MYO5A: variants seen among roughly 807,000 people sequenced by gnomAD.
MYO5A encodes unconventional myosin-Va.
MYO5A carries 98 observed loss-of-function variants against 249.7 expected under a neutral mutation model. The observed-to-expected ratio is 0.39, with a 90% CI of 0.33 to 0.46. The LOEUF is 0.46. MYO5A is among the 20% of genes least tolerant of loss of function. The pLI, the probability that MYO5A is intolerant of heterozygous loss-of-function variation, is 0.98. For missense variants in MYO5A, 1,696 were observed against 2,308.8 expected (o/e 0.73, Z 5.44); for synonymous variants, 778 against 810.6 (o/e 0.96, Z 0.68).
chr15:52,486,133 C>A lies in MYO5A; in HGVS notation c.27+42647G>T, dbSNP rs529144001. ...ACACGTATTTACCAAGTCCCTCTTA[C>A]AAGCGAGGTTCTGCGTTAAGCTGGG... On this transcript the variant is annotated intron_variant, in intron 1 of 41. Coordinates refer to ENST00000399233, the MANE Select transcript of MYO5A (RefSeq NM_001382347.1). Among the ~76,000 whole-genome samples, 5 of 152,292 alleles carry A rather than the reference C, an allele frequency of 3.3e-5. No individual in the cohort carries two copies. In the East Asian group the frequency reaches 9.6e-4, roughly 29 times the overall value.
intron 1 of MYO5A, chr15:52,505,403 T>C (rs2077248253): frequency 2.5e-6 from 2 of 796,066 alleles, no homozygotes; most frequent in African/African-American, 1.7e-5. Context: ...CTGCCAGGAG[T>C]GAAGAAAGCT....
At chr15:52,517,144 T>C (rs765088024) in intron 1 of MYO5A, among the ~76,000 whole-genome samples, 5 of 152,204 alleles carry the variant, frequency 3.3e-5, no homozygotes, top group Non-Finnish European at 7.3e-5. Context: ...GGTCACCCTA[T>C]CCCTCAGGCA....
intron 1 of MYO5A, among the ~76,000 whole-genome samples, chr15:52,441,875 T>C (rs1190030995): frequency 6.6e-6 from 1 of 152,150 alleles, no homozygotes; most frequent in Non-Finnish European, 1.5e-5. Context: ...CCCATAATAA[T>C]TTTTCAAAAA....
chr15:52,379,672 T>C lies in MYO5A; in HGVS notation c.2161A>G (p.Ser721Gly). 1 of 1,614,204 alleles carries C rather than the reference T, an allele frequency of 6.2e-7. No homozygotes were observed. Among genetic ancestry groups the C allele is most frequent in the African/African-American group, 1.3e-5 (1 of 75,042 alleles). ...TTCTTGCATGTTTGCTTTCTGTCACTCAGCACATCTTTCTGCTTCATTAGG... is the reference window on the plus strand; with the variant it reads ...TTCTTGCATGTTTGCTTTCTGTCACCCAGCACATCTTTCTGCTTCATTAGG... ...RVLMKQKDVLSDRKQTCKNVL... is the reference protein window; with the variant it reads ...RVLMKQKDVLGDRKQTCKNVL... Residue 721 changes from serine (S) to glycine (G), a missense_variant, in exon 18 of 42, where the codon AGT becomes GGT. Coordinates refer to ENST00000399233, the MANE Select transcript of MYO5A (RefSeq NM_001382347.1).
chr15:52,405,958 A>G (rs1034246606), intron 8 of MYO5A, among the ~76,000 whole-genome samples: 4 of 152,260 alleles, frequency 2.6e-5, no homozygotes, highest in African/African-American at 4.8e-5. Context: ...CAGACCAAGT[A>G]TAAGTCAAAG....
intron 1 of MYO5A, among the ~76,000 whole-genome samples, chr15:52,450,865 T>TTTTTTG (rs1555454735): frequency 2.2e-5 from 2 of 90,918 alleles, no homozygotes; most frequent in African/African-American, 1.1e-4. Flanking sequence ...TTTTTTTTTT[T>TTTTTTG]GTGACAGGGT....
At chr15:52,455,222 A>G (rs567795120) in intron 1 of MYO5A, among the ~76,000 whole-genome samples, 13 of 152,062 alleles carry the variant, frequency 8.5e-5, no homozygotes, top group African/African-American at 2.4e-4. Context: ...GAATAAATTG[A>G]TAATTCCTGG....
chr15:52,456,237 T>C (rs1390123512), intron 1 of MYO5A, among the ~76,000 whole-genome samples: 1 of 152,048 alleles, frequency 6.6e-6, no homozygotes, highest in East Asian at 1.9e-4. Flanking sequence ...ATAAAATACC[T>C]AGAAATTAAC....
chr15:52,521,325 G>A (rs1201745555), intron 1 of MYO5A, among the ~76,000 whole-genome samples: 1 of 151,354 alleles, frequency 6.6e-6, no homozygotes, highest in Non-Finnish European at 1.5e-5. Flanking sequence ...CCTCTTCACT[G>A]CCCTGATCAT....
chr15:52,485,098 C>T (rs949940664), intron 1 of MYO5A, among the ~76,000 whole-genome samples: 1 of 152,024 alleles, frequency 6.6e-6, no homozygotes, highest in African/African-American at 2.4e-5. Flanking sequence ...TTAATAATTA[C>T]AGAACTTTCA....
At chr15:52,505,727 G>A in intron 1 of MYO5A, 1 of 1,417,602 alleles carries the variant, frequency 7.1e-7, no homozygotes, top group South Asian at 1.1e-5. Flanking sequence ...GTTCCAGTGG[G>A]ATACAGAATT....
intron 24 of MYO5A, among the ~76,000 whole-genome samples, chr15:52,363,991 C>T (rs1033657448): frequency 2.6e-5 from 4 of 152,158 alleles, no homozygotes; most frequent in Non-Finnish European, 5.9e-5. Context: ...GTAATCCCAG[C>T]ACTTTGGGAG....
Position 52,461,543 on chromosome 15 carries a change from T to A in MYO5A, c.28-28258A>T, listed in dbSNP as rs528219076. On this transcript the variant is annotated intron_variant, in intron 1 of 41. Coordinates refer to ENST00000399233, the MANE Select transcript of MYO5A (RefSeq NM_001382347.1). ...CAATAGGAAGTTATTTTGAAGGTGA[T>A]GAACAGAACATGAGTAAGCATGAAG... Among the ~76,000 whole-genome samples, 35 of 152,322 alleles carry A rather than the reference T, an allele frequency of 2.3e-4. 1 individual carries two copies. The South Asian group carries it at 7.0e-3, about 31-fold the overall frequency.
intron 21 of MYO5A, among the ~76,000 whole-genome samples, chr15:52,371,754 C>G (rs1191334724): frequency 2.6e-5 from 4 of 151,902 alleles, no homozygotes; most frequent in Non-Finnish European, 5.9e-5. Context: ...CCTGTAGTCC[C>G]ATATACTCAG....
intron 11 of MYO5A, among the ~76,000 whole-genome samples, chr15:52,393,416 CAG>C (rs2042343928): frequency 6.8e-6 from 1 of 148,136 alleles, no homozygotes; most frequent in Non-Finnish European, 1.5e-5. Context: ...TTTTTTGAGA[CAG>C]AGTCTTGCTC....
intron 1 of MYO5A, among the ~76,000 whole-genome samples, chr15:52,509,427 A>G (rs186712650): frequency 3.3e-5 from 5 of 152,292 alleles, no homozygotes; most frequent in African/African-American, 1.2e-4. Context: ...TCTTTCTTTA[A>G]CTATTTGGAA....
chr15:52,331,386 A>G (rs1262296539), intron 34 of MYO5A, among the ~76,000 whole-genome samples: 1 of 152,142 alleles, frequency 6.6e-6, no homozygotes, highest in Non-Finnish European at 1.5e-5. Flanking sequence ...TTGAGTGGGA[A>G]ATCCAACAAA....
chr15:52,327,066 T>C (rs1427508865), intron 36 of MYO5A, among the ~76,000 whole-genome samples: 3 of 152,174 alleles, frequency 2.0e-5, no homozygotes, highest in Non-Finnish European at 4.4e-5. Context: ...GAACCAGGCA[T>C]TTTAGGTAAC....
At chr15:52,323,322 A>C in intron 37 of MYO5A, 33 bp downstream of exon 37, 9 of 1,532,894 alleles carry the variant, frequency 5.9e-6, no homozygotes, top group Non-Finnish European at 8.1e-6. Flanking sequence ...GAGAAAGTAT[A>C]GCATGCTGGT....
Sources: gnomAD v4.1 joint callset for allele counts (sites outside exome capture counted in the v4.1 genomes callset) on GRCh38, gnomAD v4.1.1 for gene constraint, MANE v1.5 for transcripts, NCBI Gene and HGNC (gene_info 2026-07-23, HGNC 2026-07-21) for gene names.